CFAP299: variants seen among roughly 807,000 people sequenced by gnomAD.
CFAP299 encodes the protein cilia and flagella associated protein 299, also known as cilia- and flagella-associated protein 299.
Under a neutral mutation model 27.0 loss-of-function variants are expected in CFAP299, and 21 were observed. The ratio of observed to expected loss-of-function variants is 0.78; its 90% CI spans 0.55 to 1.12. The LOEUF (loss-of-function observed/expected upper bound fraction) is 1.12. CFAP299 is among the 50% of genes most tolerant of loss of function. The pLI, the probability that CFAP299 is intolerant of heterozygous loss-of-function variation, is 0.00. For synonymous variants in CFAP299, 104 were observed against 98.1 expected, an observed-to-expected ratio of 1.06 and a Z score of -0.36; for missense variants, 310 against 276.6, an observed-to-expected ratio of 1.12 and a Z score of -0.86.
At chr4:80,911,222 T>A (rs1735456855) in intron 4 of CFAP299, among the ~76,000 whole-genome samples, 1 of 151,374 alleles carries the variant, frequency 6.6e-6, no homozygotes, top group South Asian at 2.1e-4. Flanking sequence ...GGTTGTTTTT[T>A]TTTTTTTTCT....
rs1279939491 is a variant in CFAP299, at chr4:80,800,364, A to T, written c.334-69629A>T. Among the ~76,000 whole-genome samples the T allele has an allele frequency of 3.0e-3, 213 of 71,994 alleles. 7 individuals carry two copies. The highest frequency in any genetic ancestry group is 0.019 in the Middle Eastern group (1 of 52). 47.2% of individuals were successfully genotyped at this position (71,994 alleles called of 152,430 possible). On this transcript the variant is annotated intron_variant, in intron 3 of 5. Transcript: ENST00000358105. The stretch of plus-strand genomic sequence containing the variant: ...TAATATATAATATATATGATATATT[A>T]ATATAATATATATAATATATAATAT...
Position 80,640,478 on chromosome 4 carries a change from T to C in CFAP299, c.333+57295T>C, listed in dbSNP as rs528876901. Among the ~76,000 whole-genome samples the C allele has an allele frequency of 3.3e-5, 5 of 152,342 alleles. No homozygotes were observed. The Middle Eastern group carries it at 0.01, about 311-fold the overall frequency. ...CAATCTCAAGCTCTGAGATTAATGC[T>C]GCTTAGCCTATGAAAATAGTGCCAT... On this transcript the variant is annotated intron_variant, in intron 3 of 5. Transcript: ENST00000358105.
At chr4:80,762,492 G>C (rs1725592665) in intron 3 of CFAP299, among the ~76,000 whole-genome samples, 1 of 152,068 alleles carries the variant, frequency 6.6e-6, no homozygotes, top group South Asian at 2.1e-4. Context: ...CCTGGTATAG[G>C]GGGTGAAGTG....
At chr4:80,382,857 T>G (rs887633130) in intron 2 of CFAP299, among the ~76,000 whole-genome samples, 17 of 152,174 alleles carry the variant, frequency 1.1e-4, no homozygotes, top group Admixed American at 9.8e-4. Context: ...TATAAATCAT[T>G]TTATCATAAA....
chr4:80,949,551 A>C (rs1045758940), intron 5 of CFAP299, among the ~76,000 whole-genome samples: 167 of 151,886 alleles, frequency 1.1e-3, no homozygotes, highest in Middle Eastern at 6.8e-3. Context: ...AACAACAAAA[A>C]AAAAAAGAAG....
In CFAP299 at chr4:80,757,910, C is replaced by T. The variant is rs77358591; in HGVS notation, c.334-112083C>T. Among the ~76,000 whole-genome samples, 1,417 of 152,186 alleles carry T rather than the reference C, an allele frequency of 9.3e-3. 21 individuals carry two copies. Among genetic ancestry groups the T allele is most frequent in the African/African-American group, 0.031 (1,277 of 41,516 alleles). On this transcript the variant is annotated intron_variant, in intron 3 of 5. Transcript: ENST00000358105. Reference sequence around the variant, plus strand: ...GGAACCTGCTGTGTTCTACCCCTTGCGGGAGGGGGAGCATGGGTGAGCAGG... The same window carrying T: ...GGAACCTGCTGTGTTCTACCCCTTGTGGGAGGGGGAGCATGGGTGAGCAGG...
intron 2 of CFAP299, among the ~76,000 whole-genome samples, chr4:80,577,432 C>T (rs1735928513): frequency 9.3e-6 from 1 of 107,742 alleles, no homozygotes; most frequent in African/African-American, 3.6e-5. Context: ...GAGACGGAGT[C>T]TCGCTCTGTT....
At chr4:80,398,952 G>A (rs140845286) in intron 2 of CFAP299, among the ~76,000 whole-genome samples, 4,664 of 152,118 alleles carry the variant, frequency 0.031, 106 homozygotes, top group Middle Eastern at 0.065. Flanking sequence ...CTGACAAAGG[G>A]CTCATATCCA....
chr4:80,785,602 T>A (rs1274684067), intron 3 of CFAP299, among the ~76,000 whole-genome samples: 2 of 152,176 alleles, frequency 1.3e-5, no homozygotes, highest in African/African-American at 4.8e-5. Flanking sequence ...TTGTTAACAA[T>A]TAAATAATCA....
At chr4:80,861,311 G>A (rs1224101023) in intron 3 of CFAP299, among the ~76,000 whole-genome samples, 1 of 152,166 alleles carries the variant, frequency 6.6e-6, no homozygotes, top group Non-Finnish European at 1.5e-5. Flanking sequence ...GGTGCTGTCT[G>A]TCACCCCTTT....
intron 4 of CFAP299, among the ~76,000 whole-genome samples, chr4:80,875,621 G>A (rs866458582): frequency 1.4e-4 from 20 of 146,934 alleles, no homozygotes; most frequent in Middle Eastern, 3.5e-3. Context: ...CCAAGATCGC[G>A]CCATTGCACT....
intron 3 of CFAP299, among the ~76,000 whole-genome samples, chr4:80,723,649 T>G (rs1271255372): frequency 6.6e-6 from 1 of 152,146 alleles, no homozygotes; most frequent in Non-Finnish European, 1.5e-5. Flanking sequence ...ATTGATATAT[T>G]TATTATCTTT....
At chr4:80,351,380 G>T (rs1723008546) in intron 1 of CFAP299, among the ~76,000 whole-genome samples, 1 of 152,060 alleles carries the variant, frequency 6.6e-6, no homozygotes, top group Admixed American at 6.6e-5. Context: ...GTTGCAATGG[G>T]TTCTTATACT....
At chr4:80,423,378 T>C (rs1727382385) in intron 2 of CFAP299, among the ~76,000 whole-genome samples, 1 of 152,224 alleles carries the variant, frequency 6.6e-6, no homozygotes, top group South Asian at 2.1e-4. Context: ...AAGTATAATA[T>C]ATCTAGGGTT....
chr4:80,803,911 A>G (rs936314133), intron 3 of CFAP299, among the ~76,000 whole-genome samples: 1 of 152,074 alleles, frequency 6.6e-6, no homozygotes, highest in African/African-American at 2.4e-5. Flanking sequence ...TAATTTATAA[A>G]GAACAGAAAT....
intron 2 of CFAP299, among the ~76,000 whole-genome samples, chr4:80,482,944 CCT>C (rs1730638241): frequency 6.6e-6 from 1 of 152,168 alleles, no homozygotes; most frequent in Admixed American, 6.5e-5. Context: ...CAATACCTTC[CCT>C]TCCCCAAGAT....
intron 3 of CFAP299, among the ~76,000 whole-genome samples, chr4:80,814,609 A>C (rs956863531): frequency 1.3e-5 from 2 of 151,838 alleles, no homozygotes; most frequent in Admixed American, 1.3e-4. Flanking sequence ...ACTAATTTGT[A>C]CTCTGAGTAT....
intron 2 of CFAP299, among the ~76,000 whole-genome samples, chr4:80,370,573 C>G (rs1446652997): frequency 6.6e-6 from 1 of 152,218 alleles, no homozygotes; most frequent in Non-Finnish European, 1.5e-5. Flanking sequence ...TACCCTTGTT[C>G]CAAAAGGGAG....
At chr4:80,519,381 G>A (rs1404773786) in intron 2 of CFAP299, among the ~76,000 whole-genome samples, 2 of 151,928 alleles carry the variant, frequency 1.3e-5, no homozygotes, top group Non-Finnish European at 2.9e-5. Flanking sequence ...TAATTTTTAT[G>A]TTATTAGTAT....
Sources: allele counts gnomAD v4.1 joint callset (sites outside exome capture counted in the v4.1 genomes callset), GRCh38; gene constraint gnomAD v4.1.1; transcripts MANE v1.5; gene names NCBI Gene and HGNC (gene_info 2026-07-23, HGNC 2026-07-21).